The following ADAMTS19 variants were observed in gnomAD, a reference collection of about 807,000 sequenced individuals.
ADAMTS19 encodes the protein A disintegrin and metalloproteinase with thrombospondin motifs 19.
A neutral mutation model predicts 153.3 loss-of-function variants in ADAMTS19; 93 were observed. The observed-to-expected ratio is 0.61, with a 90% CI of 0.51 to 0.72. The LOEUF (loss-of-function observed/expected upper bound fraction) is 0.72. ADAMTS19 is among the 30% of genes least tolerant of loss of function. The pLI is 0.00. For synonymous variants in ADAMTS19, 600 were observed against 556.6 expected (o/e 1.08, Z -1.10); for missense variants, 1,482 against 1,552.1 (o/e 0.95, Z 0.76).
At chr5:129,549,823 CGT>C (rs1753001032) in intron 6 of ADAMTS19, among the ~76,000 whole-genome samples, 1 of 141,578 alleles carries the variant, frequency 7.1e-6, no homozygotes, top group Non-Finnish European at 1.5e-5. Context: ...TACATGTATC[CGT>C]ATATGTATAT....
intron 7 of ADAMTS19, among the ~76,000 whole-genome samples, chr5:129,587,234 T>G (rs1034039582): frequency 2.0e-5 from 3 of 152,090 alleles, no homozygotes; most frequent in Non-Finnish European, 4.4e-5. Flanking sequence ...AATACTGTAA[T>G]TTTCAAATCA....
chr5:129,503,513 A>C (rs1003885131), intron 2 of ADAMTS19, among the ~76,000 whole-genome samples: 2 of 152,192 alleles, frequency 1.3e-5, no homozygotes, highest in Non-Finnish European at 2.9e-5. Flanking sequence ...AGATATATTA[A>C]TAAACTATAA....
chr5:129,544,189 T>C (rs1752766207), intron 6 of ADAMTS19, among the ~76,000 whole-genome samples: 1 of 152,186 alleles, frequency 6.6e-6, no homozygotes, highest in Admixed American at 6.6e-5. Flanking sequence ...TCCAACCATT[T>C]GGAAGAAAAA....
chr5:129,693,535 AT>A (rs1755427214), intron 18 of ADAMTS19, among the ~76,000 whole-genome samples: 1 of 152,166 alleles, frequency 6.6e-6, no homozygotes, highest in African/African-American at 2.4e-5. Context: ...TAACTGTCTT[AT>A]AGTGTCAAAC....
rs554005994 is a variant in ADAMTS19 at position 129,708,037 on chromosome 5, G to A, written c.3312+3646G>A. Among the ~76,000 whole-genome samples the A allele has an allele frequency of 2.6e-5, 4 of 152,282 alleles. No individual in the cohort carries two copies. In the South Asian group the frequency reaches 8.3e-4, roughly 32 times the overall value. ...GCTTATGCCTCAAACTATGTTCACT[G>A]CATTTGTATCAGCCTACATGATTTA... On this transcript the variant is annotated intron_variant, in intron 21 of 22. Transcript: ENST00000274487.
At chr5:129,625,780 C>T (rs1336663031) in intron 10 of ADAMTS19, among the ~76,000 whole-genome samples, 2 of 151,952 alleles carry the variant, frequency 1.3e-5, no homozygotes, top group African/African-American at 4.8e-5. Flanking sequence ...AAATTTTCTC[C>T]CATTCTGTAG....
intron 2 of ADAMTS19, among the ~76,000 whole-genome samples, chr5:129,492,318 C>T (rs953874288): frequency 1.3e-5 from 2 of 152,134 alleles, no homozygotes; most frequent in African/African-American, 4.8e-5. Flanking sequence ...AGTTGCCTCT[C>T]ACCACCTCCA....
At chr5:129,643,178 C>T (rs1752881672) in intron 11 of ADAMTS19, among the ~76,000 whole-genome samples, 2 of 151,782 alleles carry the variant, frequency 1.3e-5, no homozygotes, top group African/African-American at 4.8e-5. Flanking sequence ...CACACACACA[C>T]ACACACACAA....
intron 6 of ADAMTS19, among the ~76,000 whole-genome samples, chr5:129,542,486 G>A (rs1288353261): frequency 6.6e-6 from 1 of 152,084 alleles, no homozygotes; most frequent in African/African-American, 2.4e-5. Flanking sequence ...TATAACCCTG[G>A]GAATAAATGT....
chr5:129,667,819 CAG>C (rs1754123094), intron 16 of ADAMTS19, among the ~76,000 whole-genome samples: 1 of 152,114 alleles, frequency 6.6e-6, no homozygotes, highest in Admixed American at 6.6e-5. Flanking sequence ...AACAGCCTAA[CAG>C]AAAGTCCAAA....
chr5:129,546,293 G>A lies in ADAMTS19; in HGVS notation c.1329-5571G>A, dbSNP rs936044610. Among the ~76,000 whole-genome samples the A allele has an allele frequency of 1.1e-4, 16 of 150,398 alleles. 2 individuals are homozygous for A. The highest frequency in any genetic ancestry group is 2.3e-4 in the African/African-American group (9 of 39,858). ...GGAGATATACCTAATGCTAGATGAC[G>A]AGTTTGTGGGTGCAGCGCACCAGCA... is the stretch of plus-strand genomic sequence containing the variant. On this transcript the variant is annotated intron_variant, in intron 6 of 22. Transcript: ENST00000274487.
In ADAMTS19 at chr5:129,528,584, A is replaced by G. The variant is rs1429187560; in HGVS notation, c.1235A>G (p.Glu412Gly). 2 of 1,606,580 alleles carry G rather than the reference A, an allele frequency of 1.2e-6. No individual in the cohort carries two copies. Among genetic ancestry groups the G allele is most frequent in the Admixed American group, 3.4e-5 (2 of 58,638 alleles). The change falls in exon 6 of 23, where the codon GAA becomes GGA. Residue 412 changes from glutamate (E) to glycine (G), a missense_variant. Glu to Gly is a moderately conservative substitution (Grantham distance 98). Coordinates refer to ENST00000274487, the MANE Select transcript of ADAMTS19 (RefSeq NM_133638.6). Reference sequence around the variant, plus strand: ...GAGAGTTTTTGTAAGTGGCAACATGAAGAATTTGGCAAAAAGAATGATATA... The same window carrying G: ...GAGAGTTTTTGTAAGTGGCAACATGGAGAATTTGGCAAAAAGAATGATATA... ...MLESFCKWQH[E>G]EFGKKNDIHL...
chr5:129,567,819 T>C (rs1753767575), intron 7 of ADAMTS19, among the ~76,000 whole-genome samples: 1 of 152,000 alleles, frequency 6.6e-6, no homozygotes, highest in Non-Finnish European at 1.5e-5. Context: ...TTTAAGAATC[T>C]GAGCAACTCC....
intron 3 of ADAMTS19, among the ~76,000 whole-genome samples, chr5:129,518,116 CT>C (rs1249946287): frequency 6.6e-6 from 1 of 151,960 alleles, no homozygotes; most frequent in Non-Finnish European, 1.5e-5. Flanking sequence ...ACTTTTTAAA[CT>C]TTTTTTGTTT....
chr5:129,562,637 T>C (rs1052114714), intron 7 of ADAMTS19, among the ~76,000 whole-genome samples: 4 of 152,156 alleles, frequency 2.6e-5, no homozygotes, highest in Non-Finnish European at 4.4e-5. Flanking sequence ...CGTGTGTGTG[T>C]GCGTGTGTGT....
At chr5:129,666,888 T>C (rs769407272) in intron 16 of ADAMTS19, among the ~76,000 whole-genome samples, 47 of 152,178 alleles carry the variant, frequency 3.1e-4, no homozygotes, top group Non-Finnish European at 1.3e-4. Flanking sequence ...GGAATATAGA[T>C]ATCTCAAATG....
In ADAMTS19 at chr5:129,654,264, G is replaced by C. The variant is rs370786857; in HGVS notation, c.2177-42G>C. 179 of 1,535,866 alleles carry C rather than the reference G, an allele frequency of 1.2e-4. No homozygotes were observed. The African/African-American group carries it at 2.2e-3, about 19-fold the overall frequency. ...GAAGCTTAAGATAAAAATATTTATG[G>C]GGTAACTTTTTCTCATTTCTTTTTA... On this transcript the variant is annotated intron_variant, in intron 13 of 22. Coordinates refer to ENST00000274487, the MANE Select transcript of ADAMTS19 (RefSeq NM_133638.6).
intron 16 of ADAMTS19, among the ~76,000 whole-genome samples, chr5:129,674,156 G>A (rs978953477): frequency 5.3e-5 from 8 of 151,890 alleles, no homozygotes; most frequent in South Asian, 2.1e-4. Flanking sequence ...ACTTGAACCC[G>A]GGAGGCGGAG....
At chr5:129,494,731 C>T (rs951037425) in intron 2 of ADAMTS19, among the ~76,000 whole-genome samples, 10 of 152,168 alleles carry the variant, frequency 6.6e-5, no homozygotes, top group African/African-American at 2.2e-4. Context: ...TCTATATTAT[C>T]GATGGCCATA....
Sources: gnomAD v4.1 joint callset for allele counts (sites outside exome capture counted in the v4.1 genomes callset) on GRCh38, gnomAD v4.1.1 for gene constraint, MANE v1.5 for transcripts, NCBI Gene and HGNC (gene_info 2026-07-23, HGNC 2026-07-21) for gene names.